The following CBFA2T2 variants were observed in gnomAD, a reference collection of about 807,000 sequenced individuals.
CBFA2T2 encodes CBFA2/RUNX1 partner transcriptional co-repressor 2.
A neutral mutation model predicts 62.2 loss-of-function variants in CBFA2T2; 11 were observed. The ratio of observed to expected loss-of-function variants is 0.18; its 90% CI spans 0.11 to 0.29. CBFA2T2 has a LOEUF of 0.29. CBFA2T2 is among the 10% of genes least tolerant of loss of function. The pLI is 1.00. For missense variants in CBFA2T2, 592 were observed against 774.1 expected (o/e 0.76, Z 2.79); for synonymous variants, 295 against 287.5 (o/e 1.03, Z -0.27).
intron 2 of CBFA2T2, 56 bp from the exon 3 acceptor site, chr20:33,611,038 C>T: frequency 1.3e-6 from 2 of 1,593,786 alleles, no homozygotes; most frequent in Non-Finnish European, 1.7e-6. Context: ...AAAAAATGAA[C>T]AAAGGTTCCC....
chr20:33,602,449 A>C (rs981544806), intron 1 of CBFA2T2, among the ~76,000 whole-genome samples: 8 of 151,326 alleles, frequency 5.3e-5, no homozygotes, highest in Non-Finnish European at 8.8e-5. Flanking sequence ...AAAAAAAAAA[A>C]AAAACTCAAA....
At chr20:33,586,044 ATC>A (rs1284877468) in intron 1 of CBFA2T2, among the ~76,000 whole-genome samples, 1 of 152,212 alleles carries the variant, frequency 6.6e-6, no homozygotes, top group Non-Finnish European at 1.5e-5. Flanking sequence ...CTTTGCATAT[ATC>A]TGTCTCTAAA....
chr20:33,537,164 C>G (rs932625524), intron 1 of CBFA2T2, among the ~76,000 whole-genome samples: 2 of 152,210 alleles, frequency 1.3e-5, no homozygotes, highest in East Asian at 1.9e-4. Flanking sequence ...TGTAGCGAGC[C>G]GAGATCACGC....
In CBFA2T2 at chr20:33,534,110, G is replaced by A. The variant is rs116007668; in HGVS notation, c.34+43809G>A. Among the ~76,000 whole-genome samples the A allele has an allele frequency of 5.5e-3, 838 of 152,166 alleles. 7 individuals carry two copies. Among genetic ancestry groups the A allele is most frequent in the African/African-American group, 0.019 (805 of 41,502 alleles). ...TCCCAGACAAAGTGTTGGGATTACA[G>A]GTGTTAAACCACTGTGCCCAGACTC... On this transcript the variant is annotated intron_variant, in intron 1 of 10. Transcript: ENST00000342704.
intron 2 of CBFA2T2, among the ~76,000 whole-genome samples, chr20:33,608,134 A>G (rs1481844122): frequency 6.6e-6 from 1 of 152,224 alleles, no homozygotes; most frequent in Non-Finnish European, 1.5e-5. Flanking sequence ...TCAGTCCTAT[A>G]TATCTATAAT....
At chr20:33,490,920 CATT>C (rs978741278) in intron 1 of CBFA2T2, among the ~76,000 whole-genome samples, 3 of 152,282 alleles carry the variant, frequency 2.0e-5, no homozygotes, top group South Asian at 2.1e-4. Flanking sequence ...TGAAAACTGT[CATT>C]ATTGTAATCG....
chr20:33,517,731 C>T (rs1384638077), intron 1 of CBFA2T2, among the ~76,000 whole-genome samples: 1 of 150,738 alleles, frequency 6.6e-6, no homozygotes, highest in Non-Finnish European at 1.5e-5. Context: ...TTGCAACCTC[C>T]GCCTCCCGGT....
chr20:33,589,072 A>G (rs1428245159), intron 1 of CBFA2T2, among the ~76,000 whole-genome samples: 1 of 152,252 alleles, frequency 6.6e-6, no homozygotes, highest in Non-Finnish European at 1.5e-5. Context: ...AAACAAGTAA[A>G]AAGCAAGTTT....
chr20:33,585,677 T>A (rs1310365151), intron 1 of CBFA2T2, among the ~76,000 whole-genome samples: 1 of 152,250 alleles, frequency 6.6e-6, no homozygotes, highest in Non-Finnish European at 1.5e-5. Flanking sequence ...ACTAATTGAA[T>A]GTTGGTACCT....
Position 33,536,866 on chromosome 20 carries a change from C to T in CBFA2T2, c.34+46565C>T, listed in dbSNP as rs560409322. Among the ~76,000 whole-genome samples, 734 of 148,422 alleles carry T rather than the reference C, an allele frequency of 4.9e-3. 5 individuals carry two copies. The highest frequency in any genetic ancestry group is 0.017 in the African/African-American group (667 of 39,774). On this transcript the variant is annotated intron_variant, in intron 1 of 10. Coordinates refer to ENST00000342704, the MANE Select transcript of CBFA2T2 (RefSeq NM_001032999.3). ...AGATGGGATGGCGGCTGGGCAGAGA[C>T]GCTCCTCACTTCCTAGACGGGATGG...
intron 1 of CBFA2T2, among the ~76,000 whole-genome samples, chr20:33,604,331 C>T (rs2015255574): frequency 6.6e-6 from 1 of 152,078 alleles, no homozygotes; most frequent in South Asian, 2.1e-4. Flanking sequence ...TACATGTTTC[C>T]TGACAGGTAG....
intron 1 of CBFA2T2, among the ~76,000 whole-genome samples, chr20:33,571,177 G>C (rs1018160604): frequency 6.6e-6 from 1 of 152,166 alleles, no homozygotes; most frequent in Non-Finnish European, 1.5e-5. Flanking sequence ...TCTGGAGGGG[G>C]GACAGAGAAT....
intron 1 of CBFA2T2, among the ~76,000 whole-genome samples, chr20:33,502,437 C>G (rs764269033): frequency 6.6e-6 from 1 of 151,120 alleles, no homozygotes; most frequent in Non-Finnish European, 1.5e-5. Context: ...GACGGAGTCT[C>G]GCTCTGTCGC....
chr20:33,636,184 G>A (rs757715363), intron 8 of CBFA2T2, among the ~76,000 whole-genome samples: 6 of 150,314 alleles, frequency 4.0e-5, no homozygotes, highest in Admixed American at 3.3e-4. Flanking sequence ...ACTTGAACCC[G>A]GGAGGCAGAG....
At chr20:33,627,355 C>G (rs1263762059) in intron 6 of CBFA2T2, among the ~76,000 whole-genome samples, 1 of 152,026 alleles carries the variant, frequency 6.6e-6, no homozygotes, top group African/African-American at 2.4e-5. Context: ...CAAGATCACA[C>G]CGCTGCACTC....
At chr20:33,636,603 A>G (rs758149932) in intron 8 of CBFA2T2, 37 bp from the exon 9 acceptor site, 2 of 1,506,894 alleles carry the variant, frequency 1.3e-6, no homozygotes, top group South Asian at 2.3e-5. Context: ...GATCATAGAC[A>G]GCTTCTGACC....
intron 8 of CBFA2T2, among the ~76,000 whole-genome samples, chr20:33,631,769 T>A (rs2016460515): frequency 6.6e-6 from 1 of 152,228 alleles, no homozygotes; most frequent in African/African-American, 2.4e-5. Context: ...GGATGATAAG[T>A]TATATTGTCA....
At chr20:33,623,055 G>A in intron 4 of CBFA2T2, 60 bp from the exon 5 acceptor site, 3 of 1,534,560 alleles carry the variant, frequency 2.0e-6, no homozygotes, top group Admixed American at 1.7e-5. Flanking sequence ...AAAGCCCTTT[G>A]AGGTGCTGAG....
intron 1 of CBFA2T2, among the ~76,000 whole-genome samples, chr20:33,582,427 G>A (rs1054547549): frequency 1.3e-5 from 2 of 151,940 alleles, no homozygotes. Context: ...GGCAGAGGTT[G>A]CAGTGAGCCG....
Sources: allele counts gnomAD v4.1 joint callset (sites outside exome capture counted in the v4.1 genomes callset), GRCh38; gene constraint gnomAD v4.1.1; transcripts MANE v1.5; gene names NCBI Gene and HGNC (gene_info 2026-07-23, HGNC 2026-07-21).